TWIST2: variants seen among roughly 807,000 people sequenced by gnomAD.
The protein encoded by TWIST2 is twist-related protein 2.
TWIST2 carries 1 observed loss-of-function variant against 11.6 expected under a neutral mutation model. The ratio of observed to expected loss-of-function variants is 0.09; its 90% confidence interval spans 0.03 to 0.41. The LOEUF (loss-of-function observed/expected upper bound fraction) is 0.41, where lower values mean the gene tolerates loss of function less well. Among genes scored for constraint, TWIST2 ranks in the 10% least tolerant of loss-of-function variants. TWIST2 has a pLI of 0.98. For missense variants in TWIST2, 168 were observed against 226.4 expected, an observed-to-expected ratio of 0.74 and a Z score of 1.66; for synonymous variants, 87 against 96.6, an observed-to-expected ratio of 0.90 and a Z score of 0.58.
At chr2:238,877,025 G>A (rs954722919) in intron 1 of TWIST2, among the ~76,000 whole-genome samples, 3 of 151,952 alleles carry the variant, frequency 2.0e-5, no homozygotes, top group Non-Finnish European at 2.9e-5. Flanking sequence ...TGAGACCCCC[G>A]TCTCTACTAA....
At chr2:238,858,072 T>G (rs1305882036) in intron 1 of TWIST2, among the ~76,000 whole-genome samples, 1 of 152,216 alleles carries the variant, frequency 6.6e-6, no homozygotes, top group African/African-American at 2.4e-5. Context: ...AATCAGCTTG[T>G]GTTGTACTGT....
At chr2:238,857,281 C>A (rs1186265103) in intron 1 of TWIST2, among the ~76,000 whole-genome samples, 1 of 152,192 alleles carries the variant, frequency 6.6e-6, no homozygotes, top group Non-Finnish European at 1.5e-5. Context: ...GCTGGACGGG[C>A]CTTGGAGCCC....
intron 1 of TWIST2, among the ~76,000 whole-genome samples, chr2:238,865,912 G>A (rs998195709): frequency 3.3e-5 from 5 of 152,198 alleles, no homozygotes; most frequent in African/African-American, 1.2e-4. Flanking sequence ...CCACCGTACA[G>A]TGCCCCGCCG....
intron 1 of TWIST2, among the ~76,000 whole-genome samples, chr2:238,856,208 G>A (rs950885007): frequency 1.3e-5 from 2 of 152,170 alleles, no homozygotes; most frequent in African/African-American, 4.8e-5. Flanking sequence ...TGGCCCATGC[G>A]AGCTGGCAGC....
intron 1 of TWIST2, among the ~76,000 whole-genome samples, chr2:238,896,146 G>A (rs993834334): frequency 0.018 from 2,701 of 152,236 alleles, 31 homozygotes; most frequent in African/African-American, 0.027. Context: ...AGTCACGGAG[G>A]GGGGAGAGAG....
At chr2:238,892,104 C>T (rs1018129520) in intron 1 of TWIST2, among the ~76,000 whole-genome samples, 4 of 152,170 alleles carry the variant, frequency 2.6e-5, no homozygotes, top group African/African-American at 4.8e-5. Context: ...GCAGCCACTC[C>T]CACCTGCCCT....
intron 1 of TWIST2, among the ~76,000 whole-genome samples, chr2:238,851,910 C>T (rs982927228): frequency 2.0e-5 from 3 of 151,324 alleles, no homozygotes; most frequent in African/African-American, 4.9e-5. Flanking sequence ...GCAGTCCTTT[C>T]GGCCTTGCAT....
At chr2:238,890,995 G>A (rs527597399) in intron 1 of TWIST2, among the ~76,000 whole-genome samples, 2 of 152,274 alleles carry the variant, frequency 1.3e-5, no homozygotes, top group South Asian at 2.1e-4. Flanking sequence ...ATAAGAATCC[G>A]TGCACTTTCA....
At chr2:238,858,298 A>C (rs1464676026) in intron 1 of TWIST2, among the ~76,000 whole-genome samples, 9 of 152,202 alleles carry the variant, frequency 5.9e-5, no homozygotes, top group East Asian at 1.9e-4. Flanking sequence ...GTGACTATAC[A>C]TGATCGGTGT....
At chr2:238,858,301 A>G (rs1692366348) in intron 1 of TWIST2, among the ~76,000 whole-genome samples, 1 of 152,156 alleles carries the variant, frequency 6.6e-6, no homozygotes, top group Non-Finnish European at 1.5e-5. Flanking sequence ...ACTATACATG[A>G]TCGGTGTGAC....
At chr2:238,905,942 T>TGTACGTGTGCGCGC (rs1693343825) in intron 1 of TWIST2, among the ~76,000 whole-genome samples, 2 of 109,734 alleles carry the variant, frequency 1.8e-5, no homozygotes, top group African/African-American at 3.8e-5. Flanking sequence ...CGCGTGTGTG[T>TGTACGTGTGCGCGC]GCGCGCGCGT....
intron 1 of TWIST2, among the ~76,000 whole-genome samples, chr2:238,904,623 C>T (rs1016243753): frequency 6.6e-6 from 1 of 152,048 alleles, no homozygotes; most frequent in Non-Finnish European, 1.5e-5. Flanking sequence ...TACCTGCACT[C>T]TAAAAAGTGA....
intron 1 of TWIST2, among the ~76,000 whole-genome samples, chr2:238,855,982 C>T (rs1692322367): frequency 6.6e-6 from 1 of 152,168 alleles, no homozygotes; most frequent in African/African-American, 2.4e-5. Flanking sequence ...TATCTGTACC[C>T]TAAGAATCCC....
chr2:238,900,148 A>G (rs1693251600), intron 1 of TWIST2, among the ~76,000 whole-genome samples: 1 of 152,234 alleles, frequency 6.6e-6, no homozygotes, highest in Non-Finnish European at 1.5e-5. Flanking sequence ...AACCTGGTCC[A>G]CATGTCTGAT....
At chr2:238,875,861 G>C (rs141386666) in intron 1 of TWIST2, among the ~76,000 whole-genome samples, 2,541 of 152,312 alleles carry the variant, frequency 0.017, 62 homozygotes, top group African/African-American at 0.058. Context: ...GCTCTGTCCC[G>C]AGTGAAAGTT....
chr2:238,902,149 C>A (rs1301511098), intron 1 of TWIST2, among the ~76,000 whole-genome samples: 1 of 151,966 alleles, frequency 6.6e-6, no homozygotes, highest in Non-Finnish European at 1.5e-5. Flanking sequence ...GGTCCCCTGG[C>A]AGAACCTCAG....
At chr2:238,883,734 C>G (rs574375427) in intron 1 of TWIST2, among the ~76,000 whole-genome samples, 1 of 152,258 alleles carries the variant, frequency 6.6e-6, no homozygotes, top group Admixed American at 6.5e-5. Flanking sequence ...TGAGAGGACC[C>G]TGGGGAAGAC....
chr2:238,865,765 TC>T (rs1397157036), intron 1 of TWIST2, among the ~76,000 whole-genome samples: 2 of 151,070 alleles, frequency 1.3e-5, no homozygotes. Flanking sequence ...TGCTCAGAGG[TC>T]CCTTTTTATA....
rs1183375418 is a variant in TWIST2, at chr2:238,866,111, A to C, written c.*35+17378A>C. Among the ~76,000 whole-genome samples the C allele has an allele frequency of 1.1e-4, 16 of 152,102 alleles. No individual in the cohort carries two copies. The highest frequency in any genetic ancestry group is 1.0e-4 in the Non-Finnish European group (7 of 68,016). On this transcript the variant is annotated intron_variant, in intron 1 of 1. Transcript: ENST00000612363. This position sits in a 1 kb window ranked among gnomAD's most constrained non-coding sequence, Gnocchi z 4.9. ...ATCTGGTGTTACTGGGACCCACTGAATGTAGGTTCCTTTACCCCCATTTCA... is the reference window on the plus strand; with the variant it reads ...ATCTGGTGTTACTGGGACCCACTGACTGTAGGTTCCTTTACCCCCATTTCA...
Sources: allele counts gnomAD v4.1 joint callset (sites outside exome capture counted in the v4.1 genomes callset), GRCh38; gene constraint gnomAD v4.1.1; non-coding constraint Gnocchi (gnomAD v3.1); transcripts MANE v1.5; gene names NCBI Gene and HGNC (gene_info 2026-07-23, HGNC 2026-07-21).